Variants in ZNF184 observed in about 807,000 individuals in gnomAD.
ZNF184 encodes the protein zinc finger protein 184.
In ZNF184, 16 loss-of-function variants were observed where a neutral mutation model predicts 54.4. The ratio of observed to expected loss-of-function variants is 0.29; its 90% CI spans 0.20 to 0.45. The LOEUF is 0.45. ZNF184 is among the 20% of genes least tolerant of loss of function. The pLI is 1.00. For synonymous variants in ZNF184, 254 were observed against 295.3 expected (o/e 0.86, Z 1.43); for missense variants, 681 against 888.2 (o/e 0.77, Z 2.97).
the ZNF184 span, among the ~76,000 whole-genome samples, chr6:27,424,779 G>A: frequency 0.79 from 119,789 of 152,232 alleles, 47,677 homozygotes; most frequent in African/African-American, 0.9. Context: ...TGGACCCCGC[G>A]CTGGGGCTGC....
Position 27,453,079 on chromosome 6 carries a change from C to T in ZNF184, c.480G>A (p.Leu160=), listed in dbSNP as rs1762775290. 1 of 1,614,066 alleles carries T rather than the reference C, an allele frequency of 6.2e-7. No homozygotes were observed. The highest frequency in any genetic ancestry group is 1.1e-5 in the South Asian group (1 of 91,062). Reference sequence around the variant, plus strand: ...TTTCGGTTACCTTTATTTCCTTTGGCAGTGTCTGTTGGTTTGCCTGCTGTC... The same window carrying T: ...TTTCGGTTACCTTTATTTCCTTTGGTAGTGTCTGTTGGTTTGCCTGCTGTC... The part of the protein sequence containing the change: ...LERQQANQQT[L]PKEIKVTEKT... The change falls in exon 6 of 6, where the codon CTG becomes CTA. Residue 160 remains leucine (L), a synonymous_variant. Transcript: ENST00000683788. This position sits in a 1 kb window ranked among gnomAD's most constrained non-coding sequence, Gnocchi z 4.7.
the ZNF184 span, among the ~76,000 whole-genome samples, chr6:27,414,602 A>G: frequency 0.79 from 119,417 of 151,736 alleles, 47,527 homozygotes; most frequent in African/African-American, 0.9. Flanking sequence ...TCAGATATCC[A>G]GATGGCTCTT....
chr6:27,420,680 T>G, the ZNF184 span, among the ~76,000 whole-genome samples: 1 of 152,244 alleles, frequency 6.6e-6, no homozygotes, highest in Admixed American at 6.5e-5. Context: ...AAATAGGAGC[T>G]GTCATTCATT....
At chr6:27,456,405 T>C (rs2092121) in intron 5 of ZNF184, among the ~76,000 whole-genome samples, 91,715 of 151,998 alleles carry the variant, frequency 0.6, 27,775 homozygotes, top group Middle Eastern at 0.75. Flanking sequence ...TAAAGATTCA[T>C]ATTGTGGAGT....
At chr6:27,409,576 T>C in the ZNF184 span, among the ~76,000 whole-genome samples, 1 of 151,166 alleles carries the variant, frequency 6.6e-6, no homozygotes, top group Admixed American at 6.6e-5. Flanking sequence ...TGACCAAGTG[T>C]CAAGTATTTG....
the ZNF184 span, chr6:27,404,084 A>G: frequency 1.3e-5 from 2 of 152,216 alleles, no homozygotes; most frequent in Non-Finnish European, 2.9e-5. Flanking sequence ...ATGGCGAACA[A>G]GATACAGTAA....
chr6:27,419,843 C>T, the ZNF184 span, among the ~76,000 whole-genome samples: 24 of 152,292 alleles, frequency 1.6e-4, no homozygotes, highest in Non-Finnish European at 3.2e-4. The surrounding 1 kb of genome is among the most constrained non-coding windows in gnomAD (Gnocchi z 4.8). Context: ...CACTTCCCCT[C>T]GTGCCCCTCC....
At chr6:27,461,526 G>A (rs1762995739) in intron 3 of ZNF184, among the ~76,000 whole-genome samples, 1 of 151,868 alleles carries the variant, frequency 6.6e-6, no homozygotes, top group Admixed American at 6.6e-5. Flanking sequence ...ATAGAATCAA[G>A]CTGTGGCCAA....
At position 27,463,658 on chromosome 6, in the gene ZNF184, T is replaced by C. The variant is rs575312712; in HGVS notation, c.75+4195A>G. 1.5e-4 allele frequency among the ~76,000 whole-genome samples: 23 copies of C among 151,494 alleles called. No homozygotes were observed. The East Asian group carries it at 4.3e-3, about 28-fold the overall frequency. Reference sequence around the variant, plus strand: ...TCATAATCAAATAGTTTAAACTCAGTGATAGAAAAAAATCTTACAAGTAAT... The same window carrying C: ...TCATAATCAAATAGTTTAAACTCAGCGATAGAAAAAAATCTTACAAGTAAT... On this transcript the variant is annotated intron_variant, in intron 3 of 5. Transcript: ENST00000683788.
In ZNF184 at chr6:27,453,068, A is replaced by T; in HGVS notation, c.491T>A (p.Ile164Lys). ...GGGTATTGTCTTTTCGGTTACCTTT[A>T]TTTCCTTTGGCAGTGTCTGTTGGTT... is the stretch of plus-strand genomic sequence containing the variant. ...QANQQTLPKE[I>K]KVTEKTIPSW... Residue 164 changes from isoleucine (I) to lysine (K), a missense_variant, in exon 6 of 6, where the codon ATA becomes AAA. Ile to Lys is a moderately radical substitution (Grantham distance 102, BLOSUM62 -3). Transcript: ENST00000683788. The surrounding 1 kb of genome is among the most constrained non-coding windows in gnomAD (Gnocchi z 4.7). 1 of 1,613,816 alleles carries T rather than the reference A, an allele frequency of 6.2e-7. No individual in the cohort carries two copies. The highest frequency in any genetic ancestry group is 8.5e-7 in the Non-Finnish European group (1 of 1,179,932).
the ZNF184 span, among the ~76,000 whole-genome samples, chr6:27,408,319 T>G: frequency 6.6e-6 from 1 of 152,216 alleles, no homozygotes; most frequent in African/African-American, 2.4e-5. Context: ...TTTCTTAATT[T>G]TAATTCATGT....
rs1161257659 is a variant in ZNF184 at position 27,451,019 on chromosome 6, A to G, written c.*284T>C. The G allele has an allele frequency of 3.3e-6, 1 of 306,328 alleles. No individual in the cohort carries two copies. The highest frequency in any genetic ancestry group is 6.0e-6 in the Non-Finnish European group (1 of 167,166). The allele number at this position is 306,328 out of a possible 1,614,324, so 19.0% of individuals were successfully genotyped here. Reference sequence around the variant, plus strand: ...ATTCAAGAAAATATTGTAAATATACAAAACTGATTATAAAACTCCAAACTA... The same window carrying G: ...ATTCAAGAAAATATTGTAAATATACGAAACTGATTATAAAACTCCAAACTA... On this transcript the variant is annotated 3_prime_UTR_variant, in exon 6 of 6. Coordinates refer to ENST00000683788, the MANE Select transcript of ZNF184 (RefSeq NM_001318891.2).
the ZNF184 span, among the ~76,000 whole-genome samples, chr6:27,433,722 T>C: frequency 1.3e-5 from 2 of 152,254 alleles, no homozygotes; most frequent in African/African-American, 4.8e-5. Context: ...TACCACATTT[T>C]GTTACCCATT....
At chr6:27,456,758 T>TA (rs1762864862) in intron 5 of ZNF184, 68 bp downstream of exon 5, 2 of 1,366,332 alleles carry the variant, frequency 1.5e-6, no homozygotes, top group East Asian at 4.6e-5. Flanking sequence ...ACTTCAGACA[T>TA]AAAATCCTCT....
At position 27,463,005 on chromosome 6, in the gene ZNF184, T is replaced by C. The variant is rs1446907391; in HGVS notation, c.75+4848A>G. 2.0e-5 allele frequency among the ~76,000 whole-genome samples: 3 copies of C among 150,782 alleles called. No homozygotes were observed. The East Asian group carries it at 5.9e-4, about 30-fold the overall frequency. ...AGAACATCAAAAGTTTTTATGACTGTATTCCATATGTTCAAAATGTTCAAA... is the reference window on the plus strand; with the variant it reads ...AGAACATCAAAAGTTTTTATGACTGCATTCCATATGTTCAAAATGTTCAAA... On this transcript the variant is annotated intron_variant, in intron 3 of 5. Transcript: ENST00000683788.
At chr6:27,442,546 A>G in the ZNF184 span, among the ~76,000 whole-genome samples, 2 of 151,982 alleles carry the variant, frequency 1.3e-5, no homozygotes, top group Non-Finnish European at 2.9e-5. Context: ...GCTTGAGCCC[A>G]GGAGTTCGAG....
chr6:27,470,901 T>G (rs1763258519), intron 2 of ZNF184, among the ~76,000 whole-genome samples: 1 of 152,034 alleles, frequency 6.6e-6, no homozygotes, highest in Non-Finnish European at 1.5e-5. Flanking sequence ...TCTGAGAAAC[T>G]TAGAATATAT....
At chr6:27,445,721 C>CAAAAAAAAAAAAA in the ZNF184 span, among the ~76,000 whole-genome samples, 20 of 129,202 alleles carry the variant, frequency 1.5e-4, no homozygotes, top group African/African-American at 5.0e-4. Context: ...TCTGTTATAG[C>CAAAAAAAAAAAAA]AAAAAAAAAA....
chr6:27,453,142 G>C lies in ZNF184; in HGVS notation c.417C>G (p.Asn139Lys). Reference protein sequence around the residue: ...KHKRDDSWSSNLLESWEYEGS... With the variant: ...KHKRDDSWSSKLLESWEYEGS... ...CTTCATATTCCCAACTTTCTAGCAA[G>C]TTGGAACTCCAAGAATCATCTCTTT... Residue 139 changes from asparagine to lysine, a missense_variant, in exon 6 of 6, where the codon AAC becomes AAG. By Grantham distance (94) the Asn-to-Lys change is moderately conservative (BLOSUM62 0). Transcript: ENST00000683788. This position sits in a 1 kb window ranked among gnomAD's most constrained non-coding sequence, Gnocchi z 4.7. 1.2e-6 allele frequency: 2 copies of C among 1,614,072 alleles called. No homozygotes were observed. Among genetic ancestry groups the C allele is most frequent in the Non-Finnish European group, 1.7e-6 (2 of 1,179,980 alleles).
Sources: gnomAD v4.1 joint callset for allele counts (sites outside exome capture counted in the v4.1 genomes callset) on GRCh38, gnomAD v4.1.1 for gene constraint, Gnocchi (gnomAD v3.1) non-coding constraint, MANE v1.5 for transcripts, NCBI Gene and HGNC (gene_info 2026-07-23, HGNC 2026-07-21) for gene names.